Variants in CNN1 observed in about 807,000 individuals in gnomAD.
CNN1 encodes calponin 1.
A neutral mutation model predicts 35.3 loss-of-function variants in CNN1; 21 were observed. The ratio of observed to expected loss-of-function variants is 0.60; its 90% CI spans 0.42 to 0.86. CNN1 has a LOEUF of 0.86. Ranked by LOEUF, CNN1 falls within the 40% of genes least tolerant of loss-of-function variation. The pLI is 0.00. For missense variants in CNN1, 314 were observed against 400.8 expected, an observed-to-expected ratio of 0.78 and a Z score of 1.85; for synonymous variants, 164 against 161.8, an observed-to-expected ratio of 1.01 and a Z score of -0.10.
rs1972686251 is a variant in CNN1 at position 11,549,971 on chromosome 19, G to A, written c.*176G>A. On this transcript the variant is annotated 3_prime_UTR_variant, in exon 7 of 7. Transcript: ENST00000252456. The surrounding 1 kb of genome is among the most constrained non-coding windows in gnomAD (Gnocchi z 5.2). ...AGACTGGCGGGGGGCCCATTGGGGG[G>A]AAGGGGACCCTCCGCTCTGTAGTGC... The A allele has an allele frequency of 3.1e-6, 3 of 956,468 alleles. No individual in the cohort carries two copies. Among genetic ancestry groups the A allele is most frequent in the African/African-American group, 3.3e-5 (2 of 60,442 alleles). The allele number at this position is 956,468 out of a possible 1,614,324, so 59.2% of individuals were successfully genotyped here.
At chr19:11,547,644 C>T (rs1275588856) in intron 4 of CNN1, among the ~76,000 whole-genome samples, 153 bp from the exon 5 acceptor site, 8 of 152,058 alleles carry the variant, frequency 5.3e-5, no homozygotes, top group African/African-American at 1.7e-4. Context: ...AGCCGGGAGG[C>T]GGAGCTTGCA....
intron 1 of CNN1, chr19:11,539,840 C>A: frequency 1.3e-5 from 15 of 1,178,940 alleles, no homozygotes; most frequent in Non-Finnish European, 1.6e-5. Flanking sequence ...GGTCCTCGGG[C>A]GAGAGACAGA....
chr19:11,544,360 TG>T lies in CNN1; in HGVS notation c.186-2311del, dbSNP rs371890078. Among the ~76,000 whole-genome samples the T allele has an allele frequency of 4.9e-4, 75 of 152,140 alleles. 1 individual carries two copies. Among genetic ancestry groups the T allele is most frequent in the African/African-American group, 1.8e-3 (74 of 41,512 alleles). On this transcript the variant is annotated intron_variant, in intron 2 of 6. Coordinates refer to ENST00000252456, the MANE Select transcript of CNN1 (RefSeq NM_001299.6). ...CAAAGGCGTGAGGTAGGATCGTGCTTGGGGTGTTCAAGAAACAAGAAGGAGG... is the reference window on the plus strand; with the variant it reads ...CAAAGGCGTGAGGTAGGATCGTGCTTGGGTGTTCAAGAAACAAGAAGGAGG...
intron 5 of CNN1, among the ~76,000 whole-genome samples, chr19:11,548,694 C>T (rs909714363): frequency 6.0e-5 from 9 of 151,246 alleles, no homozygotes; most frequent in South Asian, 2.1e-4. Context: ...AAAAACTAGC[C>T]GGTGTGGTGG....
At chr19:11,541,256 C>A in intron 2 of CNN1, 59 bp downstream of exon 2, 1 of 1,482,338 alleles carries the variant, frequency 6.7e-7, no homozygotes, top group South Asian at 1.4e-5. Context: ...TGCAGCCCCT[C>A]AACCCCCAAA....
chr19:11,546,178 A>G (rs1415910254), intron 2 of CNN1, among the ~76,000 whole-genome samples: 1 of 152,030 alleles, frequency 6.6e-6, no homozygotes, highest in African/African-American at 2.4e-5. Flanking sequence ...CCTTGGCATC[A>G]GTGTCCCATT....
In CNN1 at chr19:11,549,547, C is replaced by A; in HGVS notation, c.649-3C>A. 1.3e-6 allele frequency: 2 copies of A among 1,597,802 alleles called. No individual in the cohort carries two copies. The highest frequency in any genetic ancestry group is 1.7e-6 in the Non-Finnish European group (2 of 1,168,314). ...CACGGCCTGACCACACCACCCTTCG[C>A]AGGCTGGCATGACTGCGCCAGGGAC... On this transcript the variant is annotated splice_polypyrimidine_tract_variant and splice_region_variant and intron_variant, in intron 6 of 6. Coordinates refer to ENST00000252456, the MANE Select transcript of CNN1 (RefSeq NM_001299.6). The surrounding 1 kb of genome is among the most constrained non-coding windows in gnomAD (Gnocchi z 5.2).
At position 11,541,181 on chromosome 19, in the gene CNN1, G is replaced by A; in HGVS notation, c.169G>A (p.Gly57Ser). 1 of 1,587,782 alleles carries A rather than the reference G, an allele frequency of 6.3e-7. No individual in the cohort carries two copies. Among genetic ancestry groups the A allele is most frequent in the Non-Finnish European group, 8.6e-7 (1 of 1,164,738 alleles). ...CAACTTCATGGACGGCCTCAAAGAT[G>A]GCATCATTCTTTGCGAGTGAGTGAG... ...GNNFMDGLKD[G>S]IILCEFINKL... Residue 57 changes from glycine (G) to serine (S), a missense_variant, in exon 2 of 7, where the codon GGC (glycine) becomes AGC (serine). Physicochemically the swap from Gly to Ser is moderately conservative, Grantham distance 56. Transcript: ENST00000252456.
At chr19:11,544,556 C>T (rs956460150) in intron 2 of CNN1, among the ~76,000 whole-genome samples, 3 of 151,992 alleles carry the variant, frequency 2.0e-5, no homozygotes, top group East Asian at 3.9e-4. Flanking sequence ...ACTACAGCCT[C>T]GACTTCCTAG....
chr19:11,540,945 A>G, intron 1 of CNN1, 131 bp from the exon 2 acceptor site: 2 of 1,006,918 alleles, frequency 2.0e-6, no homozygotes, highest in Non-Finnish European at 2.7e-6. Flanking sequence ...GATCTGGGGC[A>G]AAATTGCCTT....
intron 4 of CNN1, 29 bp from the exon 5 acceptor site, chr19:11,547,768 T>G: frequency 6.3e-7 from 1 of 1,593,198 alleles, no homozygotes; most frequent in Non-Finnish European, 8.6e-7. Flanking sequence ...GGCCCCCTTG[T>G]CAGTCCCTGC....
chr19:11,543,715 G>A (rs1162513572), intron 2 of CNN1, among the ~76,000 whole-genome samples: 1 of 150,066 alleles, frequency 6.7e-6, no homozygotes, highest in Non-Finnish European at 1.5e-5. Flanking sequence ...CCCGGGAGGC[G>A]GAGCTTGCAG....
At chr19:11,542,675 A>G (rs1972492413) in intron 2 of CNN1, among the ~76,000 whole-genome samples, 1 of 150,686 alleles carries the variant, frequency 6.6e-6, no homozygotes, top group Admixed American at 6.6e-5. Context: ...TCCCAGGTTC[A>G]AGCAATTCTC....
At position 11,549,373 on chromosome 19, in the gene CNN1, C is replaced by A. The variant is rs1599612131; in HGVS notation, c.552C>A (p.Thr184=). ...AGCAGGGCATGACGGCCTATGGCAC[C>A]CGGCGCCACCTCTACGACCCCAAGC... ...ASQQGMTAYG[T]RRHLYDPKLG... is the part of the protein sequence containing the mutation. Residue 184 remains threonine (T), a synonymous_variant, in exon 6 of 7, where the codon ACC becomes ACA. Transcript: ENST00000252456. This position sits in a 1 kb window ranked among gnomAD's most constrained non-coding sequence, Gnocchi z 5.2. The A allele has an allele frequency of 6.2e-7, 1 of 1,613,754 alleles. No individual in the cohort carries two copies. The highest frequency in any genetic ancestry group is 8.5e-7 in the Non-Finnish European group (1 of 1,179,914).
intron 2 of CNN1, among the ~76,000 whole-genome samples, chr19:11,545,798 CAAAAAAA>C (rs1030710214): frequency 1.7e-5 from 1 of 58,802 alleles, no homozygotes; most frequent in Non-Finnish European, 3.6e-5. Flanking sequence ...CCCTCTCTAC[CAAAAAAA>C]AAAAAAAAAA....
chr19:11,540,908 C>T (rs371456990), intron 1 of CNN1, among the ~76,000 whole-genome samples, 168 bp from the exon 2 acceptor site: 48 of 152,304 alleles, frequency 3.2e-4, no homozygotes, highest in African/African-American at 1.1e-3. Context: ...GCTCTCAGCC[C>T]GCCCCAGCCC....
intron 2 of CNN1, among the ~76,000 whole-genome samples, chr19:11,541,727 T>G (rs1011498644): frequency 1.3e-5 from 2 of 152,188 alleles, no homozygotes; most frequent in Non-Finnish European, 2.9e-5. Flanking sequence ...TAGCTGGGAT[T>G]ACAGGCACGC....
chr19:11,546,221 C>A (rs1972577955), intron 2 of CNN1, among the ~76,000 whole-genome samples: 1 of 152,162 alleles, frequency 6.6e-6, no homozygotes, highest in South Asian at 2.1e-4. Flanking sequence ...GGAGGGGCTG[C>A]AGCTGAGAGC....
intron 1 of CNN1, chr19:11,540,001 G>A (rs1972424112): frequency 9.4e-7 from 1 of 1,067,832 alleles, no homozygotes; most frequent in South Asian, 2.4e-5. Flanking sequence ...GTGGCGTGGG[G>A]GGCGGCAGGG....
Sources: gnomAD v4.1 joint callset for allele counts (sites outside exome capture counted in the v4.1 genomes callset) on GRCh38, gnomAD v4.1.1 for gene constraint, Gnocchi (gnomAD v3.1) non-coding constraint, MANE v1.5 for transcripts, NCBI Gene and HGNC (gene_info 2026-07-23, HGNC 2026-07-21) for gene names.